The following ZFHX3 variants were observed in gnomAD, a reference collection of about 807,000 sequenced individuals.
The protein encoded by ZFHX3 is zinc finger homeobox protein 3.
A neutral mutation model predicts 279.1 loss-of-function variants in ZFHX3; 42 were observed. The observed-to-expected ratio is 0.15, with a 90% CI of 0.12 to 0.19. The LOEUF (loss-of-function observed/expected upper bound fraction) is 0.19. ZFHX3 is among the 10% of genes least tolerant of loss of function. The probability of loss-of-function intolerance (pLI) is 1.00; values close to 1 mark genes in which losing one functional copy is unlikely to be tolerated. For missense variants in ZFHX3, 4,981 were observed against 4,754.0 expected (o/e 1.05, Z -1.40); for synonymous variants, 2,293 against 1,957.8 (o/e 1.17, Z -4.52).
intron 7 of ZFHX3, among the ~76,000 whole-genome samples, chr16:73,105,384 C>CACACACACACATATATATATATAT (rs1246917206): frequency 1.6e-4 from 7 of 43,168 alleles, no homozygotes; most frequent in Admixed American, 9.1e-4. Context: ...TATATATATA[C>CACACACACACATATATATATATAT]ACACACACAC....
chr16:73,859,995 G>T (rs1472842341), intron 1 of ZFHX3, among the ~76,000 whole-genome samples: 1 of 152,152 alleles, frequency 6.6e-6, no homozygotes, highest in African/African-American at 2.4e-5. Context: ...GCAAAGTCCT[G>T]TGGCCCAGTT....
chr16:73,679,290 A>C (rs1246565644), intron 2 of ZFHX3, among the ~76,000 whole-genome samples: 1 of 152,166 alleles, frequency 6.6e-6, no homozygotes, highest in Non-Finnish European at 1.5e-5. Context: ...GCCATTTTCA[A>C]ATCAGAGCAT....
intron 8 of ZFHX3, chr16:73,092,834 G>A: frequency 2.1e-6 from 1 of 478,346 alleles, no homozygotes; most frequent in East Asian, 5.5e-5. Flanking sequence ...TGAACAGACG[G>A]CTCATGCAGA....
At chr16:72,932,581 T>C (rs1309892618) in intron 3 of ZFHX3, among the ~76,000 whole-genome samples, 1 of 149,478 alleles carries the variant, frequency 6.7e-6, no homozygotes, top group African/African-American at 2.5e-5. Context: ...GTTAAATTAC[T>C]GGCTCAAGGT....
intron 2 of ZFHX3, among the ~76,000 whole-genome samples, chr16:73,654,854 C>CTT (rs1382941693): frequency 0.012 from 772 of 64,090 alleles, 11 homozygotes; most frequent in Middle Eastern, 0.036. Flanking sequence ...ATAGTAATCA[C>CTT]TTTTTTTTTT....
At chr16:73,322,645 T>C (rs1402697041) in intron 3 of ZFHX3, among the ~76,000 whole-genome samples, 3 of 152,158 alleles carry the variant, frequency 2.0e-5, no homozygotes, top group Admixed American at 6.5e-5. Flanking sequence ...GAACTCCAAA[T>C]GTGTGGTGAG....
rs1455566260 is a variant in ZFHX3, at chr16:73,208,466, T to A, written c.-1104+48581A>T. 1.3e-5 allele frequency among the ~76,000 whole-genome samples: 2 copies of A among 152,246 alleles called. 1 individual carries two copies. The highest frequency in any genetic ancestry group is 1.3e-4 in the Admixed American group (2 of 15,286). ...AAGAGTGACTGAATTCTTCACAGTT[T>A]TCTAAATTTTCAAAGATTTAAATGA... On this transcript the variant is annotated intron_variant, in intron 5 of 17. Transcript: ENST00000641206.
intron 1 of ZFHX3, among the ~76,000 whole-genome samples, chr16:72,990,444 G>C (rs1489036759): frequency 2.0e-5 from 3 of 152,154 alleles, no homozygotes; most frequent in Non-Finnish European, 4.4e-5. Flanking sequence ...ATCTTGCCCT[G>C]ATTTGAAGCG....
chr16:73,858,704 A>G (rs923548852), intron 1 of ZFHX3, among the ~76,000 whole-genome samples: 2 of 152,360 alleles, frequency 1.3e-5, no homozygotes, highest in Middle Eastern at 3.4e-3. Flanking sequence ...AAGATAACAC[A>G]AAAGATGTCC....
intron 3 of ZFHX3, among the ~76,000 whole-genome samples, chr16:72,910,807 A>C (rs894653369): frequency 6.6e-6 from 1 of 152,194 alleles, no homozygotes; most frequent in Non-Finnish European, 1.5e-5. Context: ...AAAACAAAAC[A>C]AAACAAAAAA....
intron 4 of ZFHX3, among the ~76,000 whole-genome samples, chr16:72,873,032 C>G (rs904344442): frequency 6.6e-6 from 1 of 152,198 alleles, no homozygotes; most frequent in Admixed American, 6.5e-5. Flanking sequence ...CTCCTTAGAG[C>G]TTCCCCACCA....
intron 8 of ZFHX3, among the ~76,000 whole-genome samples, chr16:73,085,985 CA>C (rs57128744): frequency 0.083 from 4,487 of 54,298 alleles, 69 homozygotes; most frequent in East Asian, 0.16. Flanking sequence ...AACTCAATTG[CA>C]AAAAAAAAAA....
intron 5 of ZFHX3, among the ~76,000 whole-genome samples, chr16:73,176,793 C>A (rs748682513): frequency 5.9e-5 from 9 of 151,712 alleles, no homozygotes; most frequent in Non-Finnish European, 1.2e-4. Flanking sequence ...CTGGTCCAGC[C>A]CTATCCTGCC....
intron 3 of ZFHX3, among the ~76,000 whole-genome samples, chr16:73,425,267 C>G (rs2017790880): frequency 6.6e-6 from 1 of 152,158 alleles, no homozygotes; most frequent in Non-Finnish European, 1.5e-5. Context: ...AGTCTTGTGC[C>G]TTGGGATGCG....
intron 1 of ZFHX3, among the ~76,000 whole-genome samples, chr16:73,834,122 A>C (rs990932322): frequency 1.3e-5 from 2 of 152,076 alleles, no homozygotes; most frequent in Non-Finnish European, 2.9e-5. Flanking sequence ...AGCCTCTACG[A>C]GTTAAAGGAA....
chr16:72,969,603 C>G (rs1213920929), intron 1 of ZFHX3, among the ~76,000 whole-genome samples: 1 of 152,002 alleles, frequency 6.6e-6, no homozygotes, highest in Non-Finnish European at 1.5e-5. Flanking sequence ...TACACTGAAG[C>G]AACTATCCCC....
At chr16:73,682,705 T>C (rs1397987681) in intron 1 of ZFHX3, among the ~76,000 whole-genome samples, 1 of 151,440 alleles carries the variant, frequency 6.6e-6, no homozygotes, top group Non-Finnish European at 1.5e-5. Context: ...GAGAATCACC[T>C]GAACCCAGGA....
chr16:73,822,527 T>A (rs75697450), intron 1 of ZFHX3, among the ~76,000 whole-genome samples: 14 of 151,910 alleles, frequency 9.2e-5, no homozygotes, highest in East Asian at 3.9e-4. Context: ...TTTTTTTTTT[T>A]AAATTTAAAC....
intron 1 of ZFHX3, among the ~76,000 whole-genome samples, chr16:73,736,152 C>T (rs1197000562): frequency 1.3e-5 from 2 of 152,116 alleles, no homozygotes; most frequent in Non-Finnish European, 2.9e-5. Flanking sequence ...TGGTCAGAGA[C>T]AGATGGGGAT....
Sources: gnomAD v4.1 joint callset for allele counts (sites outside exome capture counted in the v4.1 genomes callset) on GRCh38, gnomAD v4.1.1 for gene constraint, MANE v1.5 for transcripts, NCBI Gene and HGNC (gene_info 2026-07-23, HGNC 2026-07-21) for gene names.